Variants in CLSTN2 observed in about 807,000 individuals in gnomAD.
CLSTN2 encodes the protein calsyntenin 2.
CLSTN2 carries 48 observed loss-of-function variants against 101.2 expected under a neutral mutation model. The ratio of observed to expected loss-of-function variants is 0.47; its 90% CI spans 0.38 to 0.60. The LOEUF (loss-of-function observed/expected upper bound fraction) is 0.60. Among genes scored for constraint, CLSTN2 ranks in the 20% least tolerant of loss-of-function variants. The probability of loss-of-function intolerance (pLI) is 0.00; values close to 1 mark genes in which losing one functional copy is unlikely to be tolerated. For synonymous variants in CLSTN2, 481 were observed against 463.6 expected (o/e 1.04, Z -0.48); for missense variants, 1,160 against 1,238.2 (o/e 0.94, Z 0.95).
intron 1 of CLSTN2, among the ~76,000 whole-genome samples, chr3:140,127,802 C>T (rs1560103257): frequency 6.6e-6 from 1 of 152,126 alleles, no homozygotes; most frequent in East Asian, 1.9e-4. Flanking sequence ...TAGAACAGGG[C>T]TGGGAAAAGA....
intron 1 of CLSTN2, among the ~76,000 whole-genome samples, chr3:140,148,899 A>G (rs1230567747): frequency 6.6e-6 from 1 of 152,196 alleles, no homozygotes; most frequent in Non-Finnish European, 1.5e-5. Flanking sequence ...TTGGTGGCTT[A>G]CAAACAGGCC....
At chr3:140,016,421 T>C (rs1330604567) in intron 1 of CLSTN2, among the ~76,000 whole-genome samples, 1 of 152,204 alleles carries the variant, frequency 6.6e-6, no homozygotes, top group Non-Finnish European at 1.5e-5. Context: ...TTGAATAACA[T>C]GGATTTGAAC....
At chr3:140,329,671 T>C (rs931773006) in intron 2 of CLSTN2, among the ~76,000 whole-genome samples, 12 of 152,210 alleles carry the variant, frequency 7.9e-5, no homozygotes, top group African/African-American at 2.7e-4. Flanking sequence ...GCACTTTAGG[T>C]CTATTTATGG....
chr3:140,201,865 C>A (rs2010721807), intron 2 of CLSTN2, among the ~76,000 whole-genome samples: 1 of 151,178 alleles, frequency 6.6e-6, no homozygotes, highest in South Asian at 2.1e-4. Context: ...AAGTTAGATA[C>A]AAAATGAGGA....
intron 2 of CLSTN2, among the ~76,000 whole-genome samples, chr3:140,295,294 T>C (rs1009257513): frequency 6.6e-6 from 1 of 152,220 alleles, no homozygotes; most frequent in Non-Finnish European, 1.5e-5. Context: ...TATTGAACTT[T>C]TCCTTATGGC....
At chr3:140,501,422 C>G (rs939692957) in intron 8 of CLSTN2, among the ~76,000 whole-genome samples, 3 of 152,190 alleles carry the variant, frequency 2.0e-5, no homozygotes, top group Non-Finnish European at 4.4e-5. Flanking sequence ...AGGAGGGGCA[C>G]CCTTGCGTCC....
chr3:140,493,416 T>C lies in CLSTN2; in HGVS notation c.1344+26685T>C, dbSNP rs1934390196. On this transcript the variant is annotated intron_variant, in intron 8 of 16. Coordinates refer to ENST00000458420, the MANE Select transcript of CLSTN2 (RefSeq NM_022131.3). ...TCATTTACAGGCAATATAGGGTCTC[T>C]TTGGAATCTCAGTCATGCTGTTCTT... 2.0e-5 allele frequency among the ~76,000 whole-genome samples: 3 copies of C among 152,340 alleles called. No homozygotes were observed. The South Asian group carries it at 6.2e-4, about 32-fold the overall frequency.
chr3:140,487,468 T>C (rs537595963), intron 8 of CLSTN2, among the ~76,000 whole-genome samples: 2 of 152,370 alleles, frequency 1.3e-5, no homozygotes, highest in East Asian at 3.9e-4. Context: ...TCCCCTTCTC[T>C]GTATCAGTGA....
chr3:140,170,897 A>G (rs1249789967), intron 1 of CLSTN2, among the ~76,000 whole-genome samples: 4 of 152,206 alleles, frequency 2.6e-5, no homozygotes, highest in African/African-American at 9.6e-5. Flanking sequence ...AGGACCAGGC[A>G]AAAGTGGCTA....
intron 2 of CLSTN2, among the ~76,000 whole-genome samples, chr3:140,264,375 AATATATATATATATATATAT>A (rs61248635): frequency 0.018 from 1,779 of 98,500 alleles, 52 homozygotes; most frequent in East Asian, 0.053. Context: ...TAATGAATCA[AATATATATATATATATATAT>A]ATATATATAT....
At chr3:140,209,305 G>A (rs2010825596) in intron 2 of CLSTN2, among the ~76,000 whole-genome samples, 2 of 152,192 alleles carry the variant, frequency 1.3e-5, no homozygotes, top group Admixed American at 1.3e-4. Context: ...TGCATCTCTG[G>A]ATCCAGGGAA....
intron 2 of CLSTN2, among the ~76,000 whole-genome samples, chr3:140,254,909 TC>T (rs2086592790): frequency 6.6e-6 from 1 of 152,074 alleles, no homozygotes; most frequent in Non-Finnish European, 1.5e-5. Context: ...AAACTATGCA[TC>T]CAACAAAGGT....
intron 9 of CLSTN2, 134 bp from the exon 10 acceptor site, chr3:140,546,381 A>C: frequency 2.4e-6 from 2 of 824,188 alleles, no homozygotes; most frequent in Non-Finnish European, 3.8e-6. Context: ...TACTGTGTTC[A>C]TCACTCAGAA....
intron 1 of CLSTN2, among the ~76,000 whole-genome samples, chr3:140,013,807 C>T (rs1025872466): frequency 1.3e-5 from 2 of 152,144 alleles, no homozygotes; most frequent in East Asian, 1.9e-4. Flanking sequence ...CACTAGCCAG[C>T]GTTAGAGGTG....
At chr3:140,498,541 C>G (rs1934512304) in intron 8 of CLSTN2, among the ~76,000 whole-genome samples, 1 of 152,234 alleles carries the variant, frequency 6.6e-6, no homozygotes, top group Non-Finnish European at 1.5e-5. Flanking sequence ...GTTTCCCTTC[C>G]ATGACTACTA....
At chr3:140,170,646 G>A (rs757673345) in intron 1 of CLSTN2, among the ~76,000 whole-genome samples, 4 of 152,188 alleles carry the variant, frequency 2.6e-5, no homozygotes, top group Admixed American at 6.5e-5. Flanking sequence ...GTACATAGAA[G>A]GAAGTCAGCT....
chr3:140,477,389 T>A (rs1934010498), intron 8 of CLSTN2, among the ~76,000 whole-genome samples: 1 of 152,130 alleles, frequency 6.6e-6, no homozygotes, highest in South Asian at 2.1e-4. Context: ...GCAATAGAAG[T>A]GGCAGTCCAA....
At chr3:140,173,744 G>A (rs1201372793) in intron 1 of CLSTN2, among the ~76,000 whole-genome samples, 10 of 152,314 alleles carry the variant, frequency 6.6e-5, no homozygotes, top group African/African-American at 2.2e-4. Context: ...ACCAAGACTT[G>A]GCGCTTGCAC....
At chr3:140,406,409 G>A (rs2088302320) in intron 4 of CLSTN2, among the ~76,000 whole-genome samples, 1 of 152,078 alleles carries the variant, frequency 6.6e-6, no homozygotes, top group African/African-American at 2.4e-5. Flanking sequence ...TAAAACATGG[G>A]GAAAAGACAA....
Sources: allele counts gnomAD v4.1 joint callset (sites outside exome capture counted in the v4.1 genomes callset), GRCh38; gene constraint gnomAD v4.1.1; transcripts MANE v1.5; gene names NCBI Gene and HGNC (gene_info 2026-07-23, HGNC 2026-07-21).